MCPH1: variants seen among roughly 807,000 people sequenced by gnomAD.
MCPH1 encodes microcephalin.
MCPH1 carries 104 observed loss-of-function variants against 84.5 expected under a neutral mutation model. That is an observed-to-expected ratio of 1.23 (90% CI 1.05 to 1.45). The LOEUF (loss-of-function observed/expected upper bound fraction) is 1.45, where lower values mean the gene tolerates loss of function less well. Among genes scored for constraint, MCPH1 ranks in the 40% most tolerant of loss-of-function variants. MCPH1 has a pLI of 0.00. For missense variants in MCPH1, 1,498 were observed against 1,005.7 expected (o/e 1.49, Z -6.62); for synonymous variants, 514 against 366.8 (o/e 1.40, Z -4.58).
At chr8:6,621,834 A>G in intron 13 of MCPH1, 143 bp downstream of exon 13, 1 of 1,117,740 alleles carries the variant, frequency 8.9e-7, no homozygotes, top group East Asian at 2.4e-5. Flanking sequence ...CTGCCCTGGC[A>G]GCGTCGTGTG....
chr8:6,517,563 T>C (rs1284883311), intron 12 of MCPH1, among the ~76,000 whole-genome samples: 2 of 152,200 alleles, frequency 1.3e-5, no homozygotes, highest in Non-Finnish European at 2.9e-5. Context: ...TTGAATTAGA[T>C]AAATGAGTGC....
chr8:6,621,511 G>C lies in MCPH1; in HGVS notation c.2272G>C (p.Asp758His), dbSNP rs376082728. ...AGPYRGTLFA[D>H]QPAMFVSPAS... ...GCCGTACCGCGGAACCCTCTTTGCC[G>C]ACCAGCCAGCGATGTTTGTCTCGCC... Residue 758 changes from aspartate (D) to histidine (H), a missense_variant, in exon 13 of 14, where the codon GAC becomes CAC. By Grantham distance (81) the Asp-to-His change is moderately conservative. Transcript: ENST00000344683. The C allele has an allele frequency of 4.3e-6, 7 of 1,614,114 alleles. No individual in the cohort carries two copies. Among genetic ancestry groups the C allele is most frequent in the Non-Finnish European group, 5.9e-6 (7 of 1,180,026 alleles).
intron 12 of MCPH1, chr8:6,616,442 CT>C (rs1161158266): frequency 2.0e-5 from 3 of 152,202 alleles, no homozygotes; most frequent in Non-Finnish European, 2.9e-5. Flanking sequence ...TACAGTCTGC[CT>C]TAACTGACTT....
chr8:6,448,738 T>C (rs1333937331), intron 8 of MCPH1, among the ~76,000 whole-genome samples: 1 of 152,224 alleles, frequency 6.6e-6, no homozygotes, highest in African/African-American at 2.4e-5. Context: ...CAGTATGTCA[T>C]ATATTTACAT....
At chr8:6,636,743 T>C (rs546701014) in intron 13 of MCPH1, among the ~76,000 whole-genome samples, 1 of 152,234 alleles carries the variant, frequency 6.6e-6, no homozygotes, top group South Asian at 2.1e-4. Flanking sequence ...ATTTTGGTTT[T>C]AGACTCTGGT....
intron 7 of MCPH1, among the ~76,000 whole-genome samples, chr8:6,442,661 G>C (rs1044867827): frequency 6.6e-6 from 1 of 152,188 alleles, no homozygotes; most frequent in African/African-American, 2.4e-5. Flanking sequence ...TGTAATGTGG[G>C]AGCCCTAGTT....
At chr8:6,435,951 A>G in intron 4 of MCPH1, 97 bp from the exon 5 acceptor site, 3 of 1,410,812 alleles carry the variant, frequency 2.1e-6, no homozygotes, top group Non-Finnish European at 2.9e-6. Flanking sequence ...TTTATTACTG[A>G]TGTTATAAAA....
chr8:6,458,711 C>T (rs573141803), intron 9 of MCPH1, among the ~76,000 whole-genome samples: 3 of 152,116 alleles, frequency 2.0e-5, no homozygotes, highest in South Asian at 4.2e-4. Flanking sequence ...CTGGTGTTAT[C>T]TCGGCTCACT....
At chr8:6,598,528 G>A (rs1829100625) in intron 12 of MCPH1, among the ~76,000 whole-genome samples, 1 of 152,190 alleles carries the variant, frequency 6.6e-6, no homozygotes, top group Non-Finnish European at 1.5e-5. Context: ...GGAAGGAGTG[G>A]GCTGGGAGAG....
At chr8:6,492,485 C>A (rs1014590292) in intron 11 of MCPH1, among the ~76,000 whole-genome samples, 1 of 151,636 alleles carries the variant, frequency 6.6e-6, no homozygotes, top group Non-Finnish European at 1.5e-5. Context: ...TAATTAGATC[C>A]CATTTATCAA....
At chr8:6,551,337 C>T (rs942126691) in intron 12 of MCPH1, among the ~76,000 whole-genome samples, 3 of 152,112 alleles carry the variant, frequency 2.0e-5, no homozygotes, top group Admixed American at 6.5e-5. Context: ...TAATTCTATG[C>T]ATGTCAGCTG....
At chr8:6,499,747 C>G in intron 11 of MCPH1, 105 bp from the exon 12 acceptor site, 5 of 904,690 alleles carry the variant, frequency 5.5e-6, no homozygotes, top group Non-Finnish European at 9.2e-6. Flanking sequence ...TATTTCAGAT[C>G]TGCGGAGTGT....
intron 12 of MCPH1, chr8:6,507,567 C>CTTTTCT (rs1814006220): frequency 8.1e-6 from 1 of 123,722 alleles, no homozygotes; most frequent in South Asian, 2.6e-4. Context: ...ATAACACTTT[C>CTTTTCT]TTTTCTTTTT....
intron 12 of MCPH1, among the ~76,000 whole-genome samples, chr8:6,525,630 G>A (rs1216000595): frequency 6.6e-6 from 1 of 152,158 alleles, no homozygotes; most frequent in South Asian, 2.1e-4. Context: ...GCATATTTTT[G>A]TAATGATATA....
intron 12 of MCPH1, among the ~76,000 whole-genome samples, chr8:6,538,108 G>A (rs1035032273): frequency 7.3e-5 from 11 of 151,722 alleles, no homozygotes; most frequent in South Asian, 2.1e-4. Context: ...ACACATACAC[G>A]TTTTTCTATC....
chr8:6,480,726 C>G lies in MCPH1; in HGVS notation c.1986C>G (p.Val662=), dbSNP rs754730567. ...MTSMPSEKQN[V]VIQVVDKLKG... ...CCCGATTTGACAGAAAGCAGAATGT[C>G]GTCATCCAGGTTGTGGATAAATTGA... Residue 662 remains valine (V), a synonymous_variant, in exon 11 of 14, where the codon GTC becomes GTG. Coordinates refer to ENST00000344683, the MANE Select transcript of MCPH1 (RefSeq NM_024596.5). The G allele has an allele frequency of 5.6e-6, 9 of 1,613,998 alleles. No homozygotes were observed. The highest frequency in any genetic ancestry group is 5.3e-5 in the African/African-American group (4 of 74,896).
At chr8:6,494,781 A>T (rs902128598) in intron 11 of MCPH1, among the ~76,000 whole-genome samples, 21 of 152,296 alleles carry the variant, frequency 1.4e-4, no homozygotes, top group Middle Eastern at 3.4e-3. Context: ...CAGGTACAGG[A>T]TGTTTTTCTG....
chr8:6,411,560 G>A (rs568632433), intron 2 of MCPH1, among the ~76,000 whole-genome samples: 19 of 152,268 alleles, frequency 1.2e-4, no homozygotes, highest in African/African-American at 3.9e-4. Flanking sequence ...AAGTTGCTAA[G>A]ATCGACAGTG....
chr8:6,427,361 G>C (rs576056140), intron 3 of MCPH1, among the ~76,000 whole-genome samples: 1 of 152,066 alleles, frequency 6.6e-6, no homozygotes, highest in East Asian at 1.9e-4. Context: ...TGGAGCAACT[G>C]TATTAACTGA....
Sources: gnomAD v4.1 joint callset for allele counts (sites outside exome capture counted in the v4.1 genomes callset) on GRCh38, gnomAD v4.1.1 for gene constraint, MANE v1.5 for transcripts, NCBI Gene and HGNC (gene_info 2026-07-23, HGNC 2026-07-21) for gene names.